CSMD2: variants seen among roughly 807,000 people sequenced by gnomAD.
CSMD2 encodes CUB and Sushi multiple domains 2, also known as CUB and sushi domain-containing protein 2.
CSMD2 carries 130 observed loss-of-function variants against 398.5 expected under a neutral mutation model. That is an observed-to-expected ratio of 0.33 (90% CI 0.28 to 0.38). The LOEUF (loss-of-function observed/expected upper bound fraction) is 0.38. Among genes scored for constraint, CSMD2 ranks in the 10% least tolerant of loss-of-function variants. The probability of loss-of-function intolerance (pLI) is 1.00; values close to 1 mark genes in which losing one functional copy is unlikely to be tolerated. For missense variants in CSMD2, 3,829 were observed against 4,764.9 expected (o/e 0.80, Z 5.78); for synonymous variants, 1,828 against 1,908.5 (o/e 0.96, Z 1.10).
chr1:33,575,340 T>A (rs529295277), intron 49 of CSMD2, among the ~76,000 whole-genome samples: 1 of 152,236 alleles, frequency 6.6e-6, no homozygotes, highest in South Asian at 2.1e-4. Context: ...TGGCCCAGAA[T>A]TCTGTGGGAA....
chr1:33,799,745 A>T (rs900020459), intron 10 of CSMD2, among the ~76,000 whole-genome samples: 1 of 152,238 alleles, frequency 6.6e-6, no homozygotes, highest in Non-Finnish European at 1.5e-5. Flanking sequence ...GAGTCATATG[A>T]AAAGCAGCAG....
chr1:33,912,065 C>T (rs1011466787), intron 5 of CSMD2, among the ~76,000 whole-genome samples: 5 of 152,144 alleles, frequency 3.3e-5, no homozygotes, highest in African/African-American at 1.2e-4. Flanking sequence ...GTCTCCTGCC[C>T]CAGGACAGTG....
intron 55 of CSMD2, among the ~76,000 whole-genome samples, chr1:33,554,162 AT>A (rs1353213677): frequency 7.0e-6 from 1 of 143,340 alleles, no homozygotes; most frequent in Non-Finnish European, 1.5e-5. Context: ...TAAACAACAG[AT>A]TTTAAAGGTA....
At chr1:33,914,462 T>C (rs1048068203) in intron 5 of CSMD2, among the ~76,000 whole-genome samples, 3 of 151,956 alleles carry the variant, frequency 2.0e-5, no homozygotes, top group Non-Finnish European at 4.4e-5. Context: ...AGTCAGGGTG[T>C]AATACCAATT....
intron 19 of CSMD2, among the ~76,000 whole-genome samples, chr1:33,720,342 A>G (rs1480106671): frequency 6.6e-6 from 1 of 152,190 alleles, no homozygotes; most frequent in Non-Finnish European, 1.5e-5. Context: ...GTAAAGTCTG[A>G]AATCATGGAG....
At chr1:33,723,834 G>A (rs1646437561) in intron 19 of CSMD2, among the ~76,000 whole-genome samples, 1 of 152,184 alleles carries the variant, frequency 6.6e-6, no homozygotes, top group South Asian at 2.1e-4. Context: ...CCCATCTGTT[G>A]AACGGGTTGG....
intron 3 of CSMD2, among the ~76,000 whole-genome samples, chr1:33,962,146 G>A (rs917798751): frequency 1.3e-5 from 2 of 152,168 alleles, no homozygotes; most frequent in Non-Finnish European, 2.9e-5. Flanking sequence ...AGGCTCCTTT[G>A]CCCAGGACTC....
intron 12 of CSMD2, 91 bp downstream of exon 12, chr1:33,788,507 CAA>C (rs57878978): frequency 0.032 from 16,385 of 507,928 alleles, no homozygotes; most frequent in East Asian, 0.059. Context: ...GACTCCGTCT[CAA>C]AAAAAAAAAA....
intron 6 of CSMD2, among the ~76,000 whole-genome samples, chr1:33,837,391 AT>A (rs200556453): frequency 2.2e-5 from 3 of 137,076 alleles, no homozygotes; most frequent in Admixed American, 1.5e-4. Flanking sequence ...TTGTACATGG[AT>A]TTTTTTTCAT....
At chr1:33,569,178 C>T (rs2148684817) in intron 52 of CSMD2, among the ~76,000 whole-genome samples, 196 bp downstream of exon 52, 1 of 152,308 alleles carries the variant, frequency 6.6e-6, no homozygotes, top group African/African-American at 2.4e-5. Flanking sequence ...AGGTTCTTCT[C>T]CTTCTTTTGG....
At chr1:33,761,293 T>C (rs1240332816) in intron 13 of CSMD2, among the ~76,000 whole-genome samples, 1 of 152,136 alleles carries the variant, frequency 6.6e-6, no homozygotes, top group East Asian at 1.9e-4. Context: ...AAAGTGCTTC[T>C]CTCCTGTGAG....
At chr1:34,046,827 T>C (rs576676929) in intron 2 of CSMD2, among the ~76,000 whole-genome samples, 1 of 152,328 alleles carries the variant, frequency 6.6e-6, no homozygotes, top group East Asian at 1.9e-4. Flanking sequence ...GGACTCACTC[T>C]CGAGGGATTT....
At chr1:33,951,187 C>G (rs1446512532) in intron 3 of CSMD2, among the ~76,000 whole-genome samples, 1 of 152,218 alleles carries the variant, frequency 6.6e-6, no homozygotes, top group Non-Finnish European at 1.5e-5. Flanking sequence ...GGAAGCCAGC[C>G]TGGTTCTCTC....
At chr1:33,920,162 G>A (rs963427223) in intron 4 of CSMD2, among the ~76,000 whole-genome samples, 4 of 152,106 alleles carry the variant, frequency 2.6e-5, no homozygotes, top group African/African-American at 9.7e-5. Flanking sequence ...TGGGGGAAGA[G>A]CATTCACGGA....
chr1:33,896,789 G>C (rs544865886), intron 5 of CSMD2, among the ~76,000 whole-genome samples: 1 of 152,200 alleles, frequency 6.6e-6, no homozygotes, highest in East Asian at 1.9e-4. Flanking sequence ...AGGCCTCACT[G>C]TGCATATGAT....
chr1:33,541,398 C>A (rs1656325238), intron 58 of CSMD2, 89 bp from the exon 59 acceptor site: 1 of 976,762 alleles, frequency 1.0e-6, no homozygotes. Flanking sequence ...TGCATGCATC[C>A]AAGAAGGGAA....
chr1:33,788,739 G>C (rs1205740962), intron 11 of CSMD2, 27 bp from the exon 12 acceptor site: 1 of 1,360,832 alleles, frequency 7.3e-7, no homozygotes, highest in South Asian at 1.2e-5. Flanking sequence ...ATTTAGAGGT[G>C]TGCTCTCCAC....
At chr1:33,965,687 T>C (rs1645531388) in intron 3 of CSMD2, among the ~76,000 whole-genome samples, 1 of 152,220 alleles carries the variant, frequency 6.6e-6, no homozygotes, top group Admixed American at 6.5e-5. Flanking sequence ...TACCTAATTT[T>C]CAGGGCACAG....
At chr1:33,521,072 G>C (rs948880396) in intron 68 of CSMD2, among the ~76,000 whole-genome samples, 2 of 152,220 alleles carry the variant, frequency 1.3e-5, no homozygotes, top group African/African-American at 2.4e-5. Flanking sequence ...GGCTAGGGCA[G>C]AAACGACATC....
Sources: gnomAD v4.1 joint callset for allele counts (sites outside exome capture counted in the v4.1 genomes callset) on GRCh38, gnomAD v4.1.1 for gene constraint, MANE v1.5 for transcripts, NCBI Gene and HGNC (gene_info 2026-07-23, HGNC 2026-07-21) for gene names.